The following BCL2L11 variants were observed in gnomAD, a reference collection of about 807,000 sequenced individuals.
The protein encoded by BCL2L11 is BCL2 like 11.
A neutral mutation model predicts 20.6 loss-of-function variants in BCL2L11; 15 were observed. The observed-to-expected ratio is 0.73, with a 90% CI of 0.49 to 1.12. The LOEUF (loss-of-function observed/expected upper bound fraction) is 1.12, where lower values mean the gene tolerates loss of function less well. Among genes scored for constraint, BCL2L11 ranks in the 50% most tolerant of loss-of-function variants. The probability of loss-of-function intolerance (pLI) is 0.00; values close to 1 mark genes in which losing one functional copy is unlikely to be tolerated. For missense variants in BCL2L11, 292 were observed against 260.9 expected (o/e 1.12, Z -0.82); for synonymous variants, 108 against 92.8 (o/e 1.16, Z -0.94).
At chr2:111,141,962 A>G (rs1361653596) in intron 2 of BCL2L11, among the ~76,000 whole-genome samples, 1 of 152,104 alleles carries the variant, frequency 6.6e-6, no homozygotes, top group Non-Finnish European at 1.5e-5. Context: ...CAGCCTCCCA[A>G]AGTGCTAGGA....
In BCL2L11 at chr2:111,152,019, C is replaced by T; in HGVS notation, c.498+1872C>T. On this transcript the variant is annotated intron_variant, in intron 3 of 3. Coordinates refer to ENST00000393256, the MANE Select transcript of BCL2L11 (RefSeq NM_138621.5). ...CCTGTGTGTGACTGGAAGTGGCTGT[C>T]TCTATTGACTAGGAAGAACTGGTGA... 2.5e-6 allele frequency: 2 copies of T among 797,632 alleles called. 1 individual carries two copies. Among genetic ancestry groups the T allele is most frequent in the South Asian group, 3.4e-5 (2 of 59,556 alleles). The allele number at this position is 797,632 out of a possible 1,614,324, so 49.4% of individuals were successfully genotyped here. A position where few individuals can be genotyped will look rare whatever the true frequency, so the allele number is the denominator to read the frequency against.
Position 111,165,323 on chromosome 2 carries a change from A to C in BCL2L11, c.*1092A>C, listed in dbSNP as rs1215146892. 1 of 152,316 alleles carries C rather than the reference A, an allele frequency of 6.6e-6. No homozygotes were observed. 9.4% of individuals were successfully genotyped at this position (152,316 alleles called of 1,614,324 possible). A position where few individuals can be genotyped will look rare whatever the true frequency, so the allele number is the denominator to read the frequency against. On this transcript the variant is annotated 3_prime_UTR_variant, in exon 4 of 4. Transcript: ENST00000393256. ...CATTACAGCAGAGTCCAGCTGCAGC[A>C]TCCAGCTCACGCCCTCATGGGAATT... is the stretch of plus-strand genomic sequence containing the variant.
At chr2:111,140,554 C>G (rs952167205) in intron 2 of BCL2L11, among the ~76,000 whole-genome samples, 5 of 152,078 alleles carry the variant, frequency 3.3e-5, no homozygotes, top group Admixed American at 2.0e-4. Flanking sequence ...GAGCCAAGCT[C>G]GATAACCTGA....
intron 2 of BCL2L11, among the ~76,000 whole-genome samples, chr2:111,146,940 A>T (rs2150462484): frequency 6.6e-6 from 1 of 152,330 alleles, no homozygotes; most frequent in East Asian, 1.9e-4. Context: ...TAGGTTTATA[A>T]ATTCAGGAAA....
intron 2 of BCL2L11, among the ~76,000 whole-genome samples, chr2:111,133,254 C>T (rs2074275463): frequency 6.6e-6 from 1 of 152,204 alleles, no homozygotes; most frequent in South Asian, 2.1e-4. Flanking sequence ...AAACAGCGTG[C>T]TGTGCATTCA....
rs1369800370 is a variant in BCL2L11, at chr2:111,123,195, G to C, written c.-13-538G>C. 4.1e-6 allele frequency: 4 copies of C among 985,372 alleles called. No individual in the cohort carries two copies. In the Admixed American group the frequency reaches 2.5e-4, roughly 61 times the overall value. 61.0% of individuals were successfully genotyped at this position (985,372 alleles called of 1,614,324 possible). A position where few individuals can be genotyped will look rare whatever the true frequency, so the allele number is the denominator to read the frequency against. On this transcript the variant is annotated intron_variant, in intron 1 of 3. Transcript: ENST00000393256. ...GCCAGAGCCGGGCCGAGCCGCGCTG[G>C]AGTTACAAACTCTATTGTGACGCAC...
intron 3 of BCL2L11, among the ~76,000 whole-genome samples, chr2:111,161,888 A>G (rs2078600760): frequency 6.6e-6 from 1 of 152,240 alleles, no homozygotes; most frequent in African/African-American, 2.4e-5. Context: ...CTCAGTATCT[A>G]GATCGCAGGG....
At chr2:111,143,596 T>C (rs2076129441) in intron 2 of BCL2L11, among the ~76,000 whole-genome samples, 1 of 152,164 alleles carries the variant, frequency 6.6e-6, no homozygotes, top group African/African-American at 2.4e-5. Context: ...CAGCAGTGCC[T>C]TAGGAAATGT....
chr2:111,122,793 C>G, intron 1 of BCL2L11: 3 of 985,304 alleles, frequency 3.0e-6, no homozygotes, highest in Non-Finnish European at 3.6e-6. Flanking sequence ...GAACCCGAGT[C>G]CCGGGCTTTG....
At chr2:111,145,055 A>G (rs2076324264) in intron 2 of BCL2L11, among the ~76,000 whole-genome samples, 1 of 152,202 alleles carries the variant, frequency 6.6e-6, no homozygotes, top group Non-Finnish European at 1.5e-5. Flanking sequence ...ATGACTTGAA[A>G]ATCTAATCTT....
chr2:111,145,514 T>C (rs1281784564), intron 2 of BCL2L11, among the ~76,000 whole-genome samples: 1 of 152,022 alleles, frequency 6.6e-6, no homozygotes, highest in Non-Finnish European at 1.5e-5. Flanking sequence ...AAAAAAAAAG[T>C]TTCCTGCCGT....
At position 111,124,064 on chromosome 2, in the gene BCL2L11, C is replaced by G. The variant is rs2150143613; in HGVS notation, c.319C>G (p.Pro107Ala). 6.2e-7 allele frequency: 1 copy of G among 1,614,174 alleles called. No homozygotes were observed. The highest frequency in any genetic ancestry group is 8.5e-7 in the Non-Finnish European group (1 of 1,180,026). The change falls in exon 2 of 4, where the codon CCC (proline) becomes GCC (alanine). Residue 107 changes from proline to alanine, a missense_variant. Transcript: ENST00000393256. ...TTTTGACACAGACAGGAGCCCAGCA[C>G]CCATGAGTTGTGACAAATCAACACA... ...FSFDTDRSPAPMSCDKSTQTP... is the reference protein window; with the variant it reads ...FSFDTDRSPAAMSCDKSTQTP...
At chr2:111,134,398 G>C (rs1474934343) in intron 2 of BCL2L11, among the ~76,000 whole-genome samples, 1 of 152,014 alleles carries the variant, frequency 6.6e-6, no homozygotes, top group Non-Finnish European at 1.5e-5. Context: ...TGGTATCAAT[G>C]GTCACAGCAT....
chr2:111,145,619 T>A (rs1417852176), intron 2 of BCL2L11, among the ~76,000 whole-genome samples: 1 of 152,200 alleles, frequency 6.6e-6, no homozygotes, highest in African/African-American at 2.4e-5. Context: ...GTTGAACTTT[T>A]AAGATTTTAA....
At chr2:111,124,806 A>G (rs1278613924) in intron 2 of BCL2L11, among the ~76,000 whole-genome samples, 1 of 152,236 alleles carries the variant, frequency 6.6e-6, no homozygotes, top group African/African-American at 2.4e-5. Flanking sequence ...TTTGAAAATA[A>G]CACTTTTAAA....
intron 2 of BCL2L11, chr2:111,130,197 C>A: frequency 2.9e-6 from 1 of 342,480 alleles, no homozygotes. Context: ...CTCCAACTCC[C>A]AAGTTCAAGC....
chr2:111,150,596 A>G (rs1018603873), intron 3 of BCL2L11, among the ~76,000 whole-genome samples: 3 of 152,214 alleles, frequency 2.0e-5, no homozygotes, highest in Admixed American at 6.5e-5. Flanking sequence ...TGCAATTTGC[A>G]GGGTGGCCCG....
At chr2:111,125,261 G>A (rs888383316) in intron 2 of BCL2L11, among the ~76,000 whole-genome samples, 1 of 152,226 alleles carries the variant, frequency 6.6e-6, no homozygotes, top group Non-Finnish European at 1.5e-5. Context: ...CTGCAGACTT[G>A]ATTTGGCCCT....
At chr2:111,129,475 C>T (rs2073437074) in intron 2 of BCL2L11, among the ~76,000 whole-genome samples, 2 of 152,150 alleles carry the variant, frequency 1.3e-5, no homozygotes, top group African/African-American at 4.8e-5. Flanking sequence ...GATTCACATG[C>T]ATTTATAGGA....
Sources: gnomAD v4.1 joint callset for allele counts (sites outside exome capture counted in the v4.1 genomes callset) on GRCh38, gnomAD v4.1.1 for gene constraint, MANE v1.5 for transcripts, NCBI Gene and HGNC (gene_info 2026-07-23, HGNC 2026-07-21) for gene names.